The following HTRA1 variants were observed in gnomAD, a reference collection of about 807,000 sequenced individuals.
The protein encoded by HTRA1 is HtrA serine peptidase 1.
A neutral mutation model predicts 49.7 loss-of-function variants in HTRA1; 26 were observed. That is an observed-to-expected ratio of 0.52 (90% CI 0.38 to 0.73). The LOEUF is 0.73. Ranked by LOEUF, HTRA1 falls within the 30% of genes least tolerant of loss-of-function variation. The pLI is 0.00. For synonymous variants in HTRA1, 291 were observed against 286.9 expected, an observed-to-expected ratio of 1.01 and a Z score of -0.14; for missense variants, 561 against 667.2, an observed-to-expected ratio of 0.84 and a Z score of 1.75.
At chr10:122,497,688 G>C (rs1321180123) in intron 3 of HTRA1, among the ~76,000 whole-genome samples, 2 of 152,234 alleles carry the variant, frequency 1.3e-5, no homozygotes, top group African/African-American at 4.8e-5. Context: ...CAAATGCCAG[G>C]CCTTGGCTAA....
chr10:122,498,480 A>G (rs736962), intron 3 of HTRA1, among the ~76,000 whole-genome samples: 4,357 of 152,232 alleles, frequency 0.029, 114 homozygotes, highest in East Asian at 0.14. Context: ...TCTCTAATCT[A>G]AATCCCAAGC....
chr10:122,497,272 A>G (rs1374275606), intron 3 of HTRA1, among the ~76,000 whole-genome samples: 1 of 152,208 alleles, frequency 6.6e-6, no homozygotes, highest in African/African-American at 2.4e-5. Flanking sequence ...TTCCCATTTT[A>G]TGTCATAAAT....
chr10:122,471,435 G>GA (rs2097486106), intron 1 of HTRA1, among the ~76,000 whole-genome samples: 2 of 152,298 alleles, frequency 1.3e-5, no homozygotes, highest in South Asian at 4.1e-4. Flanking sequence ...TCTGTCCTCT[G>GA]AAAAATATCA....
chr10:122,488,620 G>T (rs771715196), intron 1 of HTRA1, among the ~76,000 whole-genome samples: 1 of 152,186 alleles, frequency 6.6e-6, no homozygotes, highest in African/African-American at 2.4e-5. Flanking sequence ...TGGAAAGGCT[G>T]GTGTGAGGTT....
chr10:122,462,316 G>A (rs1388561596), intron 1 of HTRA1, among the ~76,000 whole-genome samples, 192 bp downstream of exon 1: 2 of 152,272 alleles, frequency 1.3e-5, no homozygotes, highest in African/African-American at 4.8e-5. Flanking sequence ...TTCGCGCCCA[G>A]CCCGGGGCCG....
intron 1 of HTRA1, among the ~76,000 whole-genome samples, chr10:122,478,578 G>A (rs946862188): frequency 3.3e-5 from 5 of 151,942 alleles, no homozygotes; most frequent in African/African-American, 1.2e-4. Flanking sequence ...ATTTTTAGTA[G>A]AGACAGGGTT....
rs1283532099 is a variant in HTRA1 at position 122,489,408 on chromosome 10, C to T, written c.573-14C>T. 6.2e-7 allele frequency: 1 copy of T among 1,613,298 alleles called. No individual in the cohort carries two copies. The highest frequency in any genetic ancestry group is 1.1e-5 in the South Asian group (1 of 91,044). On this transcript the variant is annotated splice_polypyrimidine_tract_variant and intron_variant, in intron 2 of 8. Transcript: ENST00000368984. ...GGTGCTACAGGCTTAAGTGTGTACTCCTTTGGATTTTAGGCTTCCGTTTTC... is the reference window on the plus strand; with the variant it reads ...GGTGCTACAGGCTTAAGTGTGTACTTCTTTGGATTTTAGGCTTCCGTTTTC...
chr10:122,467,728 T>C (rs1158533228), intron 1 of HTRA1, among the ~76,000 whole-genome samples: 1 of 151,966 alleles, frequency 6.6e-6, no homozygotes. Flanking sequence ...TGAAGTGAGA[T>C]ACCCTTGTGT....
rs561796332 is a variant in HTRA1 at position 122,494,662 on chromosome 10, C to T, written c.777+5036C>T. ...GGCCTGCGCCACCCCCCCAACCCCA[C>T]GGCCACCTTTGGGCCAGATGGCACC... On this transcript the variant is annotated intron_variant, in intron 3 of 8. Coordinates refer to ENST00000368984, the MANE Select transcript of HTRA1 (RefSeq NM_002775.5). This position sits in a 1 kb window ranked among gnomAD's most constrained non-coding sequence, Gnocchi z 4.0. Among the ~76,000 whole-genome samples the T allele has an allele frequency of 1.6e-3, 245 of 152,220 alleles. 2 individuals carry two copies. Among genetic ancestry groups the T allele is most frequent in the Non-Finnish European group, 8.5e-4 (58 of 68,008 alleles).
chr10:122,477,023 A>C (rs1298095913), intron 1 of HTRA1, among the ~76,000 whole-genome samples: 1 of 139,812 alleles, frequency 7.2e-6, no homozygotes, highest in East Asian at 2.1e-4. Flanking sequence ...GCTGGAGTGC[A>C]CTGGCGCAAT....
chr10:122,500,430 A>G (rs181164029), intron 3 of HTRA1, among the ~76,000 whole-genome samples: 33 of 152,312 alleles, frequency 2.2e-4, no homozygotes, highest in Admixed American at 1.6e-3. Flanking sequence ...AGCTGAGATG[A>G]CCATTGGAGA....
intron 3 of HTRA1, among the ~76,000 whole-genome samples, chr10:122,495,118 G>C (rs1485302914): frequency 3.9e-5 from 6 of 152,124 alleles, no homozygotes; most frequent in Non-Finnish European, 8.8e-5. Flanking sequence ...ACAGGGCCTG[G>C]GCTCACCCGC....
At position 122,514,298 on chromosome 10, in the gene HTRA1, T is replaced by C; in HGVS notation, c.1382T>C (p.Val461Ala). ...VIKRESTLNM[V>A]VRRGNEDIMI... ...AAAAGGGAAAGCACCCTGAACATGGTGGTCCGCAGGGGTAATGAAGATATC... is the reference window on the plus strand; with the variant it reads ...AAAAGGGAAAGCACCCTGAACATGGCGGTCCGCAGGGGTAATGAAGATATC... Residue 461 changes from valine to alanine, a missense_variant, in exon 9 of 9, where the codon GTG becomes GCG. Around this residue, in one of 3 missense-constraint regions of HTRA1, gnomAD observed 179 missense variants for 173.4 expected, o/e 1.03. Transcript: ENST00000368984. The C allele has an allele frequency of 6.2e-6, 10 of 1,614,090 alleles. No homozygotes were observed. Among genetic ancestry groups the C allele is most frequent in the Non-Finnish European group, 8.5e-6 (10 of 1,180,014 alleles).
chr10:122,488,102 C>T (rs570419325), intron 1 of HTRA1, among the ~76,000 whole-genome samples: 4 of 152,134 alleles, frequency 2.6e-5, no homozygotes, highest in Admixed American at 6.5e-5. Flanking sequence ...GGAGCTGCCC[C>T]TTTGCCTTCG....
At chr10:122,501,231 C>T (rs542597187) in intron 3 of HTRA1, among the ~76,000 whole-genome samples, 8 of 152,284 alleles carry the variant, frequency 5.3e-5, no homozygotes, top group South Asian at 2.1e-4. Context: ...GCCGGACACG[C>T]GCCGTGGGAG....
At chr10:122,510,207 A>C in intron 7 of HTRA1, 54 bp downstream of exon 7, 1 of 1,489,736 alleles carries the variant, frequency 6.7e-7, no homozygotes, top group East Asian at 2.3e-5. Context: ...CCTGAACTTC[A>C]GAAGGTGCTC....
At chr10:122,507,319 G>C in intron 4 of HTRA1, 51 bp from the exon 5 acceptor site, 1 of 1,514,786 alleles carries the variant, frequency 6.6e-7, no homozygotes, top group Non-Finnish European at 9.2e-7. Context: ...GACATAGATT[G>C]AACCATGTTA....
chr10:122,462,150 T>A, intron 1 of HTRA1, 26 bp downstream of exon 1: 1 of 1,502,098 alleles, frequency 6.7e-7, no homozygotes, highest in East Asian at 2.5e-5. Context: ...CCTGGGCAGC[T>A]CCCCACTCTC....
At chr10:122,475,941 A>G (rs2097488273) in intron 1 of HTRA1, among the ~76,000 whole-genome samples, 1 of 152,228 alleles carries the variant, frequency 6.6e-6, no homozygotes, top group Admixed American at 6.5e-5. Flanking sequence ...GGAGCGGGCC[A>G]GACAGCATGC....
Sources: allele counts gnomAD v4.1 joint callset (sites outside exome capture counted in the v4.1 genomes callset), GRCh38; gene constraint gnomAD v4.1.1; regional missense constraint gnomAD v4.1.1; non-coding constraint Gnocchi (gnomAD v3.1); transcripts MANE v1.5; gene names NCBI Gene and HGNC (gene_info 2026-07-23, HGNC 2026-07-21).